The following IFT140 variants were observed in gnomAD, a reference collection of about 807,000 sequenced individuals.
The protein encoded by IFT140 is intraflagellar transport 140.
A neutral mutation model predicts 164.6 loss-of-function variants in IFT140; 133 were observed. The observed-to-expected ratio is 0.81, with a 90% CI of 0.70 to 0.93. IFT140 has a LOEUF of 0.93. Ranked by LOEUF, IFT140 falls within the 40% of genes least tolerant of loss-of-function variation. The pLI is 0.00. For synonymous variants in IFT140, 860 were observed against 817.3 expected (o/e 1.05, Z -0.89); for missense variants, 2,045 against 1,972.3 (o/e 1.04, Z -0.70).
chr16:1,526,925 C>A, intron 19 of IFT140, 129 bp from the exon 20 acceptor site: 1 of 1,018,794 alleles, frequency 9.8e-7, no homozygotes, highest in Admixed American at 2.8e-5. Flanking sequence ...GGGGCCTTCA[C>A]CCATCGGCTC....
rs925507808 is a variant in IFT140, at chr16:1,564,975, G to A, written c.1902-813C>T. Among the ~76,000 whole-genome samples the A allele has an allele frequency of 3.9e-5, 6 of 152,174 alleles. No homozygotes were observed. The highest frequency in any genetic ancestry group is 7.3e-5 in the Non-Finnish European group (5 of 68,028). The stretch of plus-strand genomic sequence containing the variant: ...GCGAGTGCCATGCTCCAGACAAGGC[G>A]GCTCTGAGGCCCAGAGAGCCCGGGG... On this transcript the variant is annotated intron_variant, in intron 16 of 30. Coordinates refer to ENST00000426508, the MANE Select transcript of IFT140 (RefSeq NM_014714.4). This position sits in a 1 kb window ranked among gnomAD's most constrained non-coding sequence, Gnocchi z 5.5.
chr16:1,569,027 C>T (rs1395736652), intron 14 of IFT140, among the ~76,000 whole-genome samples: 12 of 131,922 alleles, frequency 9.1e-5, no homozygotes, highest in South Asian at 5.2e-4. Context: ...TTTTTTGAGA[C>T]GGAGTCTCGC....
chr16:1,521,670 G>T (rs1002206299), intron 26 of IFT140, among the ~76,000 whole-genome samples: 9 of 151,702 alleles, frequency 5.9e-5, no homozygotes, highest in African/African-American at 1.9e-4. Context: ...GGGATTACAG[G>T]CGTGAGCCAC....
chr16:1,527,943 T>C (rs989264773), intron 19 of IFT140, among the ~76,000 whole-genome samples: 11 of 152,194 alleles, frequency 7.2e-5, no homozygotes, highest in Non-Finnish European at 1.5e-4. Context: ...CAGAAATGAC[T>C]GAGGACTTGG....
chr16:1,530,133 CTTTTTTTTTTTT>C lies in IFT140; in HGVS notation c.2400-3349_2400-3338del, dbSNP rs922819138. ...TCCCAAAAGACTTCACGACGGGAAT[CTTTTTTTTTTTT>C]TTTTTTTTTTTTGAGACAGAGTCTC... On this transcript the variant is annotated intron_variant, in intron 19 of 30. Coordinates refer to ENST00000426508, the MANE Select transcript of IFT140 (RefSeq NM_014714.4). 6.5e-4 allele frequency among the ~76,000 whole-genome samples: 58 copies of C among 88,588 alleles called. 1 individual carries two copies. Among genetic ancestry groups the C allele is most frequent in the African/African-American group, 3.0e-3 (55 of 18,458 alleles). 58.1% of individuals were successfully genotyped at this position (88,588 alleles called of 152,430 possible). A position where few individuals can be genotyped will look rare whatever the true frequency, so the allele number is the denominator to read the frequency against.
intron 4 of IFT140, among the ~76,000 whole-genome samples, chr16:1,593,600 T>C (rs911429078): frequency 6.6e-6 from 1 of 152,154 alleles, no homozygotes; most frequent in African/African-American, 2.4e-5. Context: ...AGGCTCTTTG[T>C]CTTAAGGCCC....
intron 2 of IFT140, chr16:1,610,458 A>C (rs891718849): frequency 6.6e-6 from 1 of 151,764 alleles, no homozygotes; most frequent in Admixed American, 6.7e-5. Context: ...GGCGACAGCC[A>C]TAGTCCGACG....
chr16:1,584,869 A>C (rs906417322), intron 10 of IFT140, among the ~76,000 whole-genome samples: 1 of 152,234 alleles, frequency 6.6e-6, no homozygotes, highest in African/African-American at 2.4e-5. Context: ...AAAATAAATA[A>C]AGACCTATGC....
intron 6 of IFT140, among the ~76,000 whole-genome samples, chr16:1,591,037 C>T (rs1315621471): frequency 1.3e-5 from 2 of 152,168 alleles, no homozygotes; most frequent in East Asian, 1.9e-4. Flanking sequence ...AGCATCTTTA[C>T]GATAACTGGG....
At chr16:1,580,976 C>T (rs890992469) in intron 12 of IFT140, 126 bp from the exon 13 acceptor site, 4 of 649,202 alleles carry the variant, frequency 6.2e-6, no homozygotes, top group Non-Finnish European at 1.1e-5. Flanking sequence ...TAGGGGTGCA[C>T]TATCTGCACC....
intron 13 of IFT140, chr16:1,577,400 G>C (rs1363045443): frequency 6.6e-6 from 1 of 152,176 alleles, no homozygotes; most frequent in African/African-American, 2.4e-5. Context: ...TAGAACATAT[G>C]AAATATGTGT....
chr16:1,528,830 G>T (rs1349257091), intron 19 of IFT140: 1 of 152,334 alleles, frequency 6.6e-6, no homozygotes, highest in Non-Finnish European at 1.5e-5. Flanking sequence ...GTGCAGCTGG[G>T]CGTTTTCCTA....
rs972927157 is a variant in IFT140, at chr16:1,553,082, A to G, written c.2399+4853T>C. On this transcript the variant is annotated intron_variant, in intron 19 of 30. Transcript: ENST00000426508. The surrounding 1 kb of genome is among the most constrained non-coding windows in gnomAD (Gnocchi z 4.4). Reference sequence around the variant, plus strand: ...TGTTCAGGACAAAATGGAGATAGATAAATGCTTAATTCATACTTTCTGGAG... The same window carrying G: ...TGTTCAGGACAAAATGGAGATAGATGAATGCTTAATTCATACTTTCTGGAG... 4 of 985,338 alleles carry G rather than the reference A, an allele frequency of 4.1e-6. No homozygotes were observed. In the African/African-American group the frequency reaches 7.0e-5, roughly 17 times the overall value. The allele number at this position is 985,338 out of a possible 1,614,324, so 61.0% of individuals were successfully genotyped here. A position where few individuals can be genotyped will look rare whatever the true frequency, so the allele number is the denominator to read the frequency against.
chr16:1,562,335 C>A (rs1449756886), intron 17 of IFT140, among the ~76,000 whole-genome samples: 1 of 152,154 alleles, frequency 6.6e-6, no homozygotes, highest in African/African-American at 2.4e-5. Flanking sequence ...CCTCGTCCAG[C>A]TTGCGACCAC....
At chr16:1,546,022 C>A (rs2032142440) in intron 19 of IFT140, among the ~76,000 whole-genome samples, 1 of 152,244 alleles carries the variant, frequency 6.6e-6, no homozygotes, top group Admixed American at 6.5e-5. Context: ...ACTCCACAGA[C>A]CCCTAGCTTC....
intron 15 of IFT140, among the ~76,000 whole-genome samples, chr16:1,566,934 C>A (rs1243108645): frequency 1.3e-5 from 2 of 152,176 alleles, no homozygotes; most frequent in Non-Finnish European, 2.9e-5. Context: ...TGTTTTTCCT[C>A]CTTGGGGACA....
chr16:1,563,879 G>T, intron 17 of IFT140, 118 bp downstream of exon 17: 1 of 1,077,904 alleles, frequency 9.3e-7, no homozygotes, highest in Non-Finnish European at 1.3e-6. Flanking sequence ...CTCCCGCCTT[G>T]GCCTCCCACA....
chr16:1,529,525 G>A lies in IFT140; in HGVS notation c.2400-2729C>T, dbSNP rs574989012. ...GGCGCAGCGTCCTGATCTCCGATTC[G>A]CGCTCCTCAGTCTTTTGGGTTCGGA... On this transcript the variant is annotated intron_variant, in intron 19 of 30. Coordinates refer to ENST00000426508, the MANE Select transcript of IFT140 (RefSeq NM_014714.4). Among the ~76,000 whole-genome samples, 7 of 152,320 alleles carry A rather than the reference G, an allele frequency of 4.6e-5. No individual in the cohort carries two copies. The South Asian group carries it at 6.2e-4, about 14-fold the overall frequency.
intron 7 of IFT140, 71 bp from the exon 8 acceptor site, chr16:1,588,095 G>GAC: frequency 1.6e-6 from 2 of 1,284,204 alleles, no homozygotes; most frequent in Non-Finnish European, 2.2e-6. Context: ...CAGGAGCCTG[G>GAC]AGTCTCTGGT....
Sources: gnomAD v4.1 joint callset for allele counts (sites outside exome capture counted in the v4.1 genomes callset) on GRCh38, gnomAD v4.1.1 for gene constraint, Gnocchi (gnomAD v3.1) non-coding constraint, MANE v1.5 for transcripts, NCBI Gene and HGNC (gene_info 2026-07-23, HGNC 2026-07-21) for gene names.